INPP4B: variants seen among roughly 807,000 people sequenced by gnomAD.
The protein encoded by INPP4B is inositol polyphosphate-4-phosphatase type II B, also known as inositol polyphosphate 4-phosphatase type II.
In INPP4B, 55 loss-of-function variants were observed where a neutral mutation model predicts 122.5. The observed-to-expected ratio is 0.45, with a 90% CI of 0.36 to 0.56. INPP4B has a LOEUF of 0.56. INPP4B is among the 20% of genes least tolerant of loss of function. The probability of loss-of-function intolerance (pLI) is 0.00; values close to 1 mark genes in which losing one functional copy is unlikely to be tolerated. For synonymous variants in INPP4B, 403 were observed against 388.7 expected (o/e 1.04, Z -0.43); for missense variants, 1,000 against 1,097.7 (o/e 0.91, Z 1.26).
intron 1 of INPP4B, among the ~76,000 whole-genome samples, chr4:142,765,448 A>G (rs1771969477): frequency 1.3e-5 from 2 of 152,182 alleles, no homozygotes; most frequent in South Asian, 4.1e-4. Context: ...AGAAATTCAG[A>G]CTGGACCAAC....
At chr4:142,534,892 T>C (rs1452034733) in intron 2 of INPP4B, among the ~76,000 whole-genome samples, 1 of 152,012 alleles carries the variant, frequency 6.6e-6, no homozygotes, top group East Asian at 1.9e-4. Context: ...AGTAAAACAT[T>C]TGTTTTACTC....
At chr4:142,576,527 T>G (rs1328505498) in intron 2 of INPP4B, among the ~76,000 whole-genome samples, 1 of 151,928 alleles carries the variant, frequency 6.6e-6, no homozygotes, top group Non-Finnish European at 1.5e-5. Context: ...AAATATCTAT[T>G]GACAATTGGA....
Position 142,635,224 on chromosome 4 carries a change from T to G in INPP4B, c.-191+90615A>C, listed in dbSNP as rs374545617. On this transcript the variant is annotated intron_variant, in intron 2 of 25. Transcript: ENST00000262992. ...AAAAAAATAACAGATGCTGGAGAGG[T>G]TGCAGAGAAAAGGGAACACTTATAC... Among the ~76,000 whole-genome samples, 10 of 152,052 alleles carry G rather than the reference T, an allele frequency of 6.6e-5. No individual in the cohort carries two copies. In the East Asian group the frequency reaches 1.9e-3, roughly 29 times the overall value.
chr4:142,579,998 C>T lies in INPP4B; in HGVS notation c.-190-117272G>A, dbSNP rs76987632. Among the ~76,000 whole-genome samples the T allele has an allele frequency of 1.8e-4, 27 of 151,212 alleles. No homozygotes were observed. The East Asian group carries it at 5.1e-3, about 29-fold the overall frequency. Reference sequence around the variant, plus strand: ...CATAGAAACCAGCAAATGCAGAGACCCCCAAGGGAAGATACGCAGACTTCG... The same window carrying T: ...CATAGAAACCAGCAAATGCAGAGACTCCCAAGGGAAGATACGCAGACTTCG... On this transcript the variant is annotated intron_variant, in intron 2 of 25. Coordinates refer to ENST00000262992, the MANE Select transcript of INPP4B (RefSeq NM_001101669.3).
rs186497349 is a variant in INPP4B at position 142,326,994 on chromosome 4, C to A, written c.373-12232G>T. ...ATGCCCCTTCCATGGCTGTGTGCCTCTTCAGAGCCCAGACTGATGGTGACT... is the reference window on the plus strand; with the variant it reads ...ATGCCCCTTCCATGGCTGTGTGCCTATTCAGAGCCCAGACTGATGGTGACT... On this transcript the variant is annotated intron_variant, in intron 7 of 25. Transcript: ENST00000262992. Among the ~76,000 whole-genome samples, 123 of 152,280 alleles carry A rather than the reference C, an allele frequency of 8.1e-4. 2 individuals carry two copies. Among genetic ancestry groups the A allele is most frequent in the Middle Eastern group, 6.8e-3 (2 of 294 alleles).
At position 142,160,155 on chromosome 4, in the gene INPP4B, T is replaced by C. The variant is rs572936664; in HGVS notation, c.1563+203A>G. Reference sequence around the variant, plus strand: ...GACAGATTCTCACTTAAACATATAATTCATTGGCTAGCAAATAAATTTTAT... The same window carrying C: ...GACAGATTCTCACTTAAACATATAACTCATTGGCTAGCAAATAAATTTTAT... On this transcript the variant is annotated intron_variant, in intron 17 of 25. Transcript: ENST00000262992. Among the ~76,000 whole-genome samples, 6 of 152,150 alleles carry C rather than the reference T, an allele frequency of 3.9e-5. No homozygotes were observed. In the South Asian group the frequency reaches 1.0e-3, roughly 26 times the overall value.
intron 1 of INPP4B, among the ~76,000 whole-genome samples, chr4:142,748,429 AT>A (rs1458493897): frequency 9.2e-5 from 14 of 152,236 alleles, no homozygotes; most frequent in African/African-American, 3.4e-4. Context: ...GATAGAGAAA[AT>A]TTAAAAACAC....
At chr4:142,463,552 T>C (rs1344346501) in intron 2 of INPP4B, among the ~76,000 whole-genome samples, 3 of 152,200 alleles carry the variant, frequency 2.0e-5, no homozygotes, top group Admixed American at 6.5e-5. Flanking sequence ...AGCATGACTA[T>C]GATTATACAG....
At chr4:142,813,868 A>G (rs1032888330) in intron 1 of INPP4B, among the ~76,000 whole-genome samples, 2 of 152,310 alleles carry the variant, frequency 1.3e-5, no homozygotes, top group East Asian at 3.9e-4. Flanking sequence ...TGAGTACTCA[A>G]TAAAACAGTG....
intron 9 of INPP4B, among the ~76,000 whole-genome samples, chr4:142,293,064 G>A (rs530825180): frequency 1.6e-3 from 220 of 140,352 alleles, no homozygotes; most frequent in Middle Eastern, 8.0e-3. Flanking sequence ...TTAAGACAGA[G>A]TCTTGCTCTT....
chr4:142,618,680 T>G (rs553291321), intron 2 of INPP4B, among the ~76,000 whole-genome samples: 5 of 152,106 alleles, frequency 3.3e-5, no homozygotes, highest in Non-Finnish European at 5.9e-5. Flanking sequence ...TTGACAATGA[T>G]TTCTTGCATA....
intron 12 of INPP4B, among the ~76,000 whole-genome samples, chr4:142,210,024 C>T (rs1173452742): frequency 1.3e-5 from 2 of 152,002 alleles, no homozygotes; most frequent in African/African-American, 2.4e-5. Context: ...CATCAGAATG[C>T]CTTTTTAAAA....
chr4:142,256,676 A>G (rs1736295825), intron 11 of INPP4B, among the ~76,000 whole-genome samples: 1 of 152,242 alleles, frequency 6.6e-6, no homozygotes, highest in Admixed American at 6.5e-5. Context: ...ATCTCTGAAT[A>G]GACCAATAAC....
intron 11 of INPP4B, among the ~76,000 whole-genome samples, chr4:142,244,144 G>C (rs912202198): frequency 2.0e-5 from 3 of 150,412 alleles, no homozygotes; most frequent in African/African-American, 7.4e-5. Flanking sequence ...TCCCACTTAC[G>C]AGTGAGAACA....
chr4:142,235,768 T>C (rs1404001607), intron 12 of INPP4B, among the ~76,000 whole-genome samples: 2 of 152,252 alleles, frequency 1.3e-5, no homozygotes, highest in Non-Finnish European at 2.9e-5. Context: ...ACAGACATTT[T>C]ATTTCATTTA....
At position 142,248,626 on chromosome 4, in the gene INPP4B, CTGTATGTGTGTGTGTGTGTGTG is replaced by C. The variant is rs770687663; in HGVS notation, c.689-10637_689-10616del. 6.8e-3 allele frequency among the ~76,000 whole-genome samples: 811 copies of C among 118,600 alleles called. 9 individuals carry two copies. Among genetic ancestry groups the C allele is most frequent in the African/African-American group, 0.02 (712 of 35,160 alleles). 77.8% of individuals were successfully genotyped at this position (118,600 alleles called of 152,430 possible). A position where few individuals can be genotyped will look rare whatever the true frequency, so the allele number is the denominator to read the frequency against. The stretch of plus-strand genomic sequence containing the variant: ...AGTGCTGGGATTTCTCTCTCACTCT[CTGTATGTGTGTGTGTGTGTGTG>C]TGTATGTGTGTGTGTGTGTGTATGT... On this transcript the variant is annotated intron_variant, in intron 11 of 25. Coordinates refer to ENST00000262992, the MANE Select transcript of INPP4B (RefSeq NM_001101669.3).
chr4:142,142,546 GA>G (rs1808419834), intron 18 of INPP4B, among the ~76,000 whole-genome samples: 1 of 152,010 alleles, frequency 6.6e-6, no homozygotes. Context: ...GATGAGCCTA[GA>G]GCTTCTTATG....
At chr4:142,151,678 G>A (rs1044191942) in intron 17 of INPP4B, among the ~76,000 whole-genome samples, 2 of 152,038 alleles carry the variant, frequency 1.3e-5, no homozygotes, top group Non-Finnish European at 2.9e-5. Context: ...TCAAAAGCAG[G>A]CTCAGTACTA....
intron 25 of INPP4B, chr4:142,029,283 T>A: frequency 1.0e-6 from 1 of 989,628 alleles, no homozygotes; most frequent in African/African-American, 1.7e-5. Context: ...AATCTATATG[T>A]AGCCCTAAGG....
Sources: allele counts gnomAD v4.1 joint callset (sites outside exome capture counted in the v4.1 genomes callset), GRCh38; gene constraint gnomAD v4.1.1; transcripts MANE v1.5; gene names NCBI Gene and HGNC (gene_info 2026-07-23, HGNC 2026-07-21).